ARAP2: variants seen among roughly 807,000 people sequenced by gnomAD.
ARAP2 encodes the protein ArfGAP with RhoGAP domain, ankyrin repeat and PH domain 2, also known as arf-GAP with Rho-GAP domain, ANK repeat and PH domain-containing protein 2.
A neutral mutation model predicts 194.5 loss-of-function variants in ARAP2; 148 were observed. The observed-to-expected ratio is 0.76, with a 90% CI of 0.67 to 0.87. ARAP2 has a LOEUF of 0.87. ARAP2 is among the 40% of genes least tolerant of loss of function. The probability of loss-of-function intolerance (pLI) is 0.00; values close to 1 mark genes in which losing one functional copy is unlikely to be tolerated. For synonymous variants in ARAP2, 695 were observed against 683.5 expected (o/e 1.02, Z -0.26); for missense variants, 2,128 against 1,989.7 (o/e 1.07, Z -1.32).
intron 31 of ARAP2, among the ~76,000 whole-genome samples, chr4:36,076,329 T>C (rs947388834): frequency 6.6e-6 from 1 of 152,120 alleles, no homozygotes; most frequent in Non-Finnish European, 1.5e-5. Context: ...CTTCTGTCCA[T>C]TTCTTCTTCC....
chr4:36,192,196 C>T (rs1742080320), intron 7 of ARAP2, among the ~76,000 whole-genome samples: 2 of 97,234 alleles, frequency 2.1e-5, no homozygotes, highest in South Asian at 3.4e-4. Flanking sequence ...TTTTTTTTGC[C>T]AAAATGTAAC....
At chr4:36,009,287 C>T (rs1473319065) in intron 9 of ARAP2, among the ~76,000 whole-genome samples, 1 of 152,084 alleles carries the variant, frequency 6.6e-6, no homozygotes, top group Non-Finnish European at 1.5e-5. Flanking sequence ...AGAATCTACC[C>T]AGGTGTCCAT....
At chr4:36,052,677 T>G (rs1722861420) in intron 2 of ARAP2, among the ~76,000 whole-genome samples, 1 of 152,218 alleles carries the variant, frequency 6.6e-6, no homozygotes, top group South Asian at 2.1e-4. Flanking sequence ...ACTATTAAAA[T>G]TTTACGGCTG....
chr4:36,082,237 A>C lies in ARAP2; in HGVS notation c.4544+14T>G. Reference sequence around the variant, plus strand: ...CAATATATTATGTCCAAAAGTTGTCAGCTGTTAACTTACCAGTGATGTTTC... The same window carrying C: ...CAATATATTATGTCCAAAAGTTGTCCGCTGTTAACTTACCAGTGATGTTTC... On this transcript the variant is annotated intron_variant, in intron 30 of 32. Transcript: ENST00000303965. 6.2e-7 allele frequency: 1 copy of C among 1,608,752 alleles called. No homozygotes were observed. The highest frequency in any genetic ancestry group is 8.5e-7 in the Non-Finnish European group (1 of 1,177,366).
intron 2 of ARAP2, among the ~76,000 whole-genome samples, chr4:36,053,914 G>C (rs1050410979): frequency 9.2e-5 from 14 of 152,292 alleles, no homozygotes; most frequent in Middle Eastern, 3.4e-3. Context: ...AATACCAGCC[G>C]TGTAGTAGAT....
intron 27 of ARAP2, among the ~76,000 whole-genome samples, chr4:36,104,663 T>A (rs192353307): frequency 3.2e-4 from 48 of 152,120 alleles, no homozygotes; most frequent in African/African-American, 1.1e-3. Flanking sequence ...AGGGCAAGCT[T>A]CAATTCAAAC....
intron 21 of ARAP2, among the ~76,000 whole-genome samples, chr4:36,125,384 A>G (rs567512830): frequency 6.6e-6 from 1 of 152,076 alleles, no homozygotes; most frequent in African/African-American, 2.4e-5. Context: ...TATCATTTGT[A>G]TTTGAAAATG....
intron 28 of ARAP2, among the ~76,000 whole-genome samples, chr4:36,087,316 A>C (rs1712143903): frequency 6.6e-6 from 1 of 152,098 alleles, no homozygotes; most frequent in Non-Finnish European, 1.5e-5. Flanking sequence ...GCTTTTCAAA[A>C]TGTAAAAATT....
chr4:36,148,597 CCTTTTAAAAT>C (rs1730206981), intron 16 of ARAP2, 90 bp from the exon 17 acceptor site: 1 of 906,328 alleles, frequency 1.1e-6, no homozygotes. Context: ...TAATTAAATT[CCTTTTAAAAT>C]AAACTAATGT....
chr4:36,228,587 A>G lies in ARAP2; in HGVS notation c.900T>C (p.Ser300=). The G allele has an allele frequency of 6.3e-7, 1 of 1,583,300 alleles. No individual in the cohort carries two copies. Among genetic ancestry groups the G allele is most frequent in the African/African-American group, 1.4e-5 (1 of 73,564 alleles). The change falls in exon 2 of 33, where the codon TCT becomes TCC. Residue 300 remains serine (S), a synonymous_variant. Coordinates refer to ENST00000303965, the MANE Select transcript of ARAP2 (RefSeq NM_015230.4). ...CTTATTGTAAAGATTCTTACCTCCC[A>G]GAAACTCCTTTTGTTGACCCTGGAA... is the stretch of plus-strand genomic sequence containing the variant. ...PEIPGSTKGV[S]GSYFRERRNV...
In ARAP2 at chr4:36,018,991, G is replaced by T. The variant is rs778254449; in HGVS notation, n.750+153C>A. ...AGAGGAGAGCAGCTTGGAATTTGGG[G>T]TAAGAGAAATAAATTCTGTCTTTTA... On this transcript the variant is annotated intron_variant and non_coding_transcript_variant, in intron 6 of 12. Transcript: ENST00000503225. Among the ~76,000 whole-genome samples, 18 of 138,736 alleles carry T rather than the reference G, an allele frequency of 1.3e-4. 1 individual carries two copies. Among genetic ancestry groups the T allele is most frequent in the African/African-American group, 6.2e-4 (18 of 28,848 alleles). 91.0% of individuals were successfully genotyped at this position (138,736 alleles called of 152,430 possible).
intron 32 of ARAP2, among the ~76,000 whole-genome samples, chr4:36,073,452 T>C (rs1727504114): frequency 6.6e-6 from 1 of 152,126 alleles, no homozygotes; most frequent in Non-Finnish European, 1.5e-5. Flanking sequence ...TTGGCTACTT[T>C]AGAGGTAAGA....
In ARAP2 at chr4:36,129,249, C is replaced by T. The variant is rs1193021056; in HGVS notation, c.3428-504G>A. 2.0e-5 allele frequency among the ~76,000 whole-genome samples: 3 copies of T among 151,998 alleles called. No individual in the cohort carries two copies. The East Asian group carries it at 5.8e-4, about 30-fold the overall frequency. ...AGTACTCCATACCAAATAAAAGGAG[C>T]AGTGGTTAGGAGGAAGAGTGATGAT... On this transcript the variant is annotated intron_variant, in intron 20 of 32. Coordinates refer to ENST00000303965, the MANE Select transcript of ARAP2 (RefSeq NM_015230.4).
At chr4:36,185,741 C>T (rs942641621) in intron 8 of ARAP2, among the ~76,000 whole-genome samples, 4 of 151,402 alleles carry the variant, frequency 2.6e-5, no homozygotes, top group Admixed American at 2.0e-4. Flanking sequence ...TTTGGGAGGC[C>T]GAGGTGGGCA....
At chr4:36,046,858 G>A (rs528490971) in intron 3 of ARAP2, 29 of 152,124 alleles carry the variant, frequency 1.9e-4, no homozygotes, top group Non-Finnish European at 3.4e-4. Context: ...ACCTCATTAG[G>A]ACAGGAAGAT....
At chr4:36,010,111 G>C (rs181878720) in intron 9 of ARAP2, among the ~76,000 whole-genome samples, 1 of 151,648 alleles carries the variant, frequency 6.6e-6, no homozygotes, top group Admixed American at 6.6e-5. Flanking sequence ...GCTGAAATCA[G>C]GGAGTATTTT....
intron 10 of ARAP2, among the ~76,000 whole-genome samples, chr4:36,166,634 T>C (rs965977394): frequency 6.6e-6 from 1 of 151,422 alleles, no homozygotes; most frequent in African/African-American, 2.4e-5. Context: ...TCCTTCTAAA[T>C]GAGAAGGAAT....
intron 9 of ARAP2, among the ~76,000 whole-genome samples, chr4:36,010,886 T>C (rs1355776518): frequency 6.6e-6 from 1 of 152,174 alleles, no homozygotes; most frequent in African/African-American, 2.4e-5. Flanking sequence ...CTTGGTGCCT[T>C]GTGTCAAACA....
intron 10 of ARAP2, chr4:36,006,106 T>C (rs1713220082): frequency 6.6e-6 from 1 of 152,194 alleles, no homozygotes; most frequent in Non-Finnish European, 1.5e-5. Context: ...AAGCCTTAAC[T>C]GACAGATGAG....
Sources: gnomAD v4.1 joint callset for allele counts (sites outside exome capture counted in the v4.1 genomes callset) on GRCh38, gnomAD v4.1.1 for gene constraint, MANE v1.5 for transcripts, NCBI Gene and HGNC (gene_info 2026-07-23, HGNC 2026-07-21) for gene names.